Variants in ZNF184 observed in about 807,000 individuals in gnomAD.
The protein encoded by ZNF184 is zinc finger protein 184 (Kruppel-like).
ZNF184 carries 16 observed loss-of-function variants against 54.4 expected under a neutral mutation model. The ratio of observed to expected loss-of-function variants is 0.29; its 90% CI spans 0.20 to 0.45. The LOEUF (loss-of-function observed/expected upper bound fraction) is 0.45. ZNF184 is among the 20% of genes least tolerant of loss of function. ZNF184 has a pLI of 1.00. For synonymous variants in ZNF184, 254 were observed against 295.3 expected (o/e 0.86, Z 1.43); for missense variants, 681 against 888.2 (o/e 0.77, Z 2.97).
In ZNF184 at chr6:27,452,877, C is replaced by A; in HGVS notation, c.682G>T (p.Gly228Trp). ...KEKSCKCNEC[G>W]KAFSYCSALI... Reference sequence around the variant, plus strand: ...GCTGAACAATAACTAAAGGCTTTCCCACATTCATTGCACTTACAAGATTTC... The same window carrying A: ...GCTGAACAATAACTAAAGGCTTTCCAACATTCATTGCACTTACAAGATTTC... The change falls in exon 6 of 6, where the codon GGG (glycine) becomes TGG (tryptophan). Residue 228 changes from glycine to tryptophan, a missense_variant. Physicochemically the swap from Gly to Trp is radical, Grantham distance 184. Coordinates refer to ENST00000683788, the MANE Select transcript of ZNF184 (RefSeq NM_001318891.2). The surrounding 1 kb of genome is among the most constrained non-coding windows in gnomAD (Gnocchi z 5.5). 6.2e-7 allele frequency: 1 copy of A among 1,614,158 alleles called. No individual in the cohort carries two copies. Among genetic ancestry groups the A allele is most frequent in the Non-Finnish European group, 8.5e-7 (1 of 1,180,018 alleles).
the ZNF184 span, among the ~76,000 whole-genome samples, chr6:27,424,052 C>A: frequency 6.6e-6 from 1 of 152,142 alleles, no homozygotes; most frequent in Non-Finnish European, 1.5e-5. Flanking sequence ...CGTTACAACT[C>A]CTAAAGTGGC....
intron 3 of ZNF184, among the ~76,000 whole-genome samples, chr6:27,461,842 G>A (rs59761262): frequency 0.01 from 1,561 of 151,756 alleles, 9 homozygotes; most frequent in African/African-American, 0.024. Flanking sequence ...GTACTGGAGC[G>A]GAGAGAGCTA....
intron 2 of ZNF184, among the ~76,000 whole-genome samples, chr6:27,471,534 C>G (rs1246945387): frequency 6.6e-6 from 1 of 152,162 alleles, no homozygotes; most frequent in African/African-American, 2.4e-5. Context: ...CTCTCAGGTA[C>G]TTTTCAAAGC....
the ZNF184 span, among the ~76,000 whole-genome samples, chr6:27,407,243 T>TCAG: frequency 6.6e-6 from 1 of 151,558 alleles, no homozygotes; most frequent in Non-Finnish European, 1.5e-5. Flanking sequence ...ATGATTTTGT[T>TCAG]CAGCAGCAGC....
the ZNF184 span, among the ~76,000 whole-genome samples, chr6:27,425,423 G>A: frequency 3.3e-5 from 5 of 152,178 alleles, no homozygotes; most frequent in African/African-American, 1.2e-4. Flanking sequence ...TATGTTTAAA[G>A]GAAGAAAAAA....
the ZNF184 span, chr6:27,405,924 G>A: frequency 6.6e-6 from 1 of 152,160 alleles, no homozygotes; most frequent in South Asian, 2.1e-4. Context: ...TGCACATCTA[G>A]TTTAAATGGG....
chr6:27,447,879 G>A (rs1391568816), downstream of ZNF184, among the ~76,000 whole-genome samples: 1 of 152,038 alleles, frequency 6.6e-6, no homozygotes, highest in Non-Finnish European at 1.5e-5. Context: ...GATGCCTTCT[G>A]CCATCAGATG....
At chr6:27,412,281 T>C in the ZNF184 span, among the ~76,000 whole-genome samples, 1 of 152,178 alleles carries the variant, frequency 6.6e-6, no homozygotes. Context: ...CAGGCCACCA[T>C]CAGCGAGGTG....
the ZNF184 span, among the ~76,000 whole-genome samples, chr6:27,418,299 T>C: frequency 8.5e-5 from 13 of 152,196 alleles, no homozygotes. Flanking sequence ...GTGACTAATA[T>C]GCTCCTGGGT....
intron 5 of ZNF184, among the ~76,000 whole-genome samples, chr6:27,456,168 G>A (rs2113716521): frequency 6.6e-6 from 1 of 151,996 alleles, no homozygotes; most frequent in African/African-American, 2.4e-5. Flanking sequence ...TGAGGTGGGA[G>A]GATTACTCAA....
In ZNF184 at chr6:27,450,985, A is replaced by G. The variant is rs537777878; in HGVS notation, c.*318T>C. ...GCAACACAGCAAAATGCTGATGTAT[A>G]GTAAACCCATTCAAGAAAATATTGT... is the stretch of plus-strand genomic sequence containing the variant. On this transcript the variant is annotated 3_prime_UTR_variant, in exon 6 of 6. Transcript: ENST00000683788. The G allele has an allele frequency of 2.7e-5, 6 of 226,002 alleles. No individual in the cohort carries two copies. Among genetic ancestry groups the G allele is most frequent in the African/African-American group, 9.1e-5 (4 of 43,784 alleles). The allele number at this position is 226,002 out of a possible 1,614,324, so 14.0% of individuals were successfully genotyped here.
At chr6:27,420,612 T>A in the ZNF184 span, among the ~76,000 whole-genome samples, 1 of 152,212 alleles carries the variant, frequency 6.6e-6, no homozygotes, top group Non-Finnish European at 1.5e-5. Context: ...CATACATCTA[T>A]GAGAATGGCC....
the ZNF184 span, chr6:27,405,515 C>G: frequency 2.0e-5 from 3 of 152,256 alleles, no homozygotes; most frequent in Admixed American, 1.3e-4. Flanking sequence ...GGCTCGGGGT[C>G]TAGGGGTGCC....
rs188647386 is a variant in ZNF184, at chr6:27,464,195, C to T, written c.75+3658G>A. Among the ~76,000 whole-genome samples the T allele has an allele frequency of 8.5e-4, 129 of 152,070 alleles. 4 individuals are homozygous for T. The highest frequency in any genetic ancestry group is 5.6e-3 in the Admixed American group (86 of 15,272). On this transcript the variant is annotated intron_variant, in intron 3 of 5. Transcript: ENST00000683788. ...ATTTATAAAAATGAATAAAGAATAC[C>T]GAAAATGATCATTACACAATGAGCA...
At chr6:27,466,673 C>G (rs1390478366) in intron 3 of ZNF184, among the ~76,000 whole-genome samples, 1 of 85,118 alleles carries the variant, frequency 1.2e-5, no homozygotes, top group African/African-American at 3.5e-5. Flanking sequence ...GTATACCCCC[C>G]AATTAAAAAA....
chr6:27,472,403 G>GATTCCCTGCAA lies in ZNF184; in HGVS notation c.-110_-109insTTGCAGGGAAT. On this transcript the variant is annotated 5_prime_UTR_variant, in exon 2 of 6. Transcript: ENST00000683788. This position sits in a 1 kb window ranked among gnomAD's most constrained non-coding sequence, Gnocchi z 4.8. ...ACTCAGATGTCTAACTCCCCTTGCA[G>GATTCCCTGCAA]GGAATCTGCAACACGCTGAGGTTGT... 4 of 1,443,620 alleles carry GATTCCCTGCAA rather than the reference G, an allele frequency of 2.8e-6. No individual in the cohort carries two copies. The highest frequency in any genetic ancestry group is 3.9e-6 in the Non-Finnish European group (4 of 1,035,992). The allele number at this position is 1,443,620 out of a possible 1,614,324, so 89.4% of individuals were successfully genotyped here. A position where few individuals can be genotyped will look rare whatever the true frequency, so the allele number is the denominator to read the frequency against.
chr6:27,451,561 C>T lies in ZNF184; in HGVS notation c.1998G>A (p.Gly666=). 6.2e-7 allele frequency: 1 copy of T among 1,614,014 alleles called. No homozygotes were observed. The highest frequency in any genetic ancestry group is 8.5e-7 in the Non-Finnish European group (1 of 1,179,972). Residue 666 remains glycine, a synonymous_variant, in exon 6 of 6, where the codon GGG becomes GGA. Coordinates refer to ENST00000683788, the MANE Select transcript of ZNF184 (RefSeq NM_001318891.2). ...HLTQHQRIHT[G]EKPYKCNECD... ...ATTCATTGCACTTATAGGGCTTCTC[C>T]CCAGTGTGAATTCGTTGATGCTGAG...
At chr6:27,407,796 G>T in the ZNF184 span, 1 of 777,624 alleles carries the variant, frequency 1.3e-6, no homozygotes, top group Non-Finnish European at 2.4e-6. Context: ...CAAAATGCAC[G>T]ATTATGATGG....
chr6:27,453,949 G>A lies in ZNF184; in HGVS notation c.299-689C>T, dbSNP rs1762794787. Among the ~76,000 whole-genome samples, 1 of 152,128 alleles carries A rather than the reference G, an allele frequency of 6.6e-6. No individual in the cohort carries two copies. Among genetic ancestry groups the A allele is most frequent in the Non-Finnish European group, 1.5e-5 (1 of 68,030 alleles). On this transcript the variant is annotated intron_variant, in intron 5 of 5. Transcript: ENST00000683788. This position sits in a 1 kb window ranked among gnomAD's most constrained non-coding sequence, Gnocchi z 4.7. Reference sequence around the variant, plus strand: ...AAAAAGAAGGACAAGAATAGCTAAAGCCTTAGAAATATATGTGAAAAAGAG... The same window carrying A: ...AAAAAGAAGGACAAGAATAGCTAAAACCTTAGAAATATATGTGAAAAAGAG...
Sources: gnomAD v4.1 joint callset for allele counts (sites outside exome capture counted in the v4.1 genomes callset) on GRCh38, gnomAD v4.1.1 for gene constraint, Gnocchi (gnomAD v3.1) non-coding constraint, MANE v1.5 for transcripts, NCBI Gene and HGNC (gene_info 2026-07-23, HGNC 2026-07-21) for gene names.